The following COL24A1 variants were observed in gnomAD, a reference collection of about 807,000 sequenced individuals.
The protein encoded by COL24A1 is collagen alpha-1(XXIV) chain.
Under a neutral mutation model 253.9 loss-of-function variants are expected in COL24A1, and 224 were observed. The ratio of observed to expected loss-of-function variants is 0.88; its 90% CI spans 0.79 to 0.99. The LOEUF (loss-of-function observed/expected upper bound fraction) is 0.99. COL24A1 is among the 50% of genes least tolerant of loss of function. The pLI is 0.00. For synonymous variants in COL24A1, 685 were observed against 673.7 expected (o/e 1.02, Z -0.26); for missense variants, 2,131 against 2,068.5 (o/e 1.03, Z -0.59).
chr1:85,839,607 C>T (rs1351727159), intron 42 of COL24A1, among the ~76,000 whole-genome samples: 3 of 151,676 alleles, frequency 2.0e-5, no homozygotes, highest in African/African-American at 4.8e-5. Context: ...CCTGGTGGCA[C>T]GAGCCTGCAG....
chr1:85,911,295 T>C (rs1012906291), intron 25 of COL24A1, 85 bp downstream of exon 25: 215 of 1,038,238 alleles, frequency 2.1e-4, no homozygotes, highest in Non-Finnish European at 2.7e-4. Flanking sequence ...GATTTCTAAT[T>C]AACATAAAAG....
At chr1:86,097,658 T>TC (rs1704109652) in intron 5 of COL24A1, among the ~76,000 whole-genome samples, 1 of 129,594 alleles carries the variant, frequency 7.7e-6, no homozygotes, top group South Asian at 2.8e-4. Flanking sequence ...CTCCTCCTCC[T>TC]CCCCTTCTCC....
At position 85,961,237 on chromosome 1, in the gene COL24A1, A is replaced by T. The variant is rs530162521; in HGVS notation, c.2562+12T>A. On this transcript the variant is annotated intron_variant, in intron 24 of 59. Transcript: ENST00000370571. ...CAGCTGATTAAAAAATAAGAGCATA[A>T]AATAAGCTTACTGTTTCACCAATTT... 5 of 1,574,838 alleles carry T rather than the reference A, an allele frequency of 3.2e-6. No homozygotes were observed. In the South Asian group the frequency reaches 5.6e-5, roughly 18 times the overall value.
At chr1:85,914,404 T>A (rs12043396) in intron 24 of COL24A1, among the ~76,000 whole-genome samples, 35,443 of 146,816 alleles carry the variant, frequency 0.24, 4,399 homozygotes, top group East Asian at 0.32. Flanking sequence ...TTTTTTTTTT[T>A]TCTTGAGATG....
At chr1:85,797,859 G>A (rs1670997221) in intron 47 of COL24A1, among the ~76,000 whole-genome samples, 1 of 152,080 alleles carries the variant, frequency 6.6e-6, no homozygotes, top group African/African-American at 2.4e-5. Flanking sequence ...GTCTGGAAAT[G>A]TCAACAGAGG....
intron 47 of COL24A1, among the ~76,000 whole-genome samples, chr1:85,805,509 TA>T (rs1671867665): frequency 6.6e-6 from 1 of 152,230 alleles, no homozygotes; most frequent in Admixed American, 6.5e-5. Context: ...AATAAGAATA[TA>T]AAAAGCCTTT....
At chr1:86,094,570 T>A (rs1703760933) in intron 5 of COL24A1, among the ~76,000 whole-genome samples, 1 of 151,938 alleles carries the variant, frequency 6.6e-6, no homozygotes, top group Non-Finnish European at 1.5e-5. Flanking sequence ...AAGAAACCCC[T>A]AATGACACAA....
chr1:85,960,415 AC>A (rs1161282524), intron 24 of COL24A1, among the ~76,000 whole-genome samples: 8 of 152,198 alleles, frequency 5.3e-5, no homozygotes, highest in African/African-American at 1.7e-4. Flanking sequence ...TGATTCAAAT[AC>A]AACATGAAGC....
intron 24 of COL24A1, among the ~76,000 whole-genome samples, chr1:85,918,637 T>C (rs1686149666): frequency 1.3e-5 from 2 of 152,162 alleles, no homozygotes; most frequent in Admixed American, 1.3e-4. Flanking sequence ...GTGTACACAC[T>C]TGGAAATAAT....
chr1:85,744,883 A>T (rs1665044181), intron 56 of COL24A1, 49 bp from the exon 57 acceptor site: 1 of 1,431,290 alleles, frequency 7.0e-7, no homozygotes, highest in Non-Finnish European at 9.7e-7. Flanking sequence ...CCTGAGGACC[A>T]ACATGGGCCA....
At chr1:85,911,352 T>C in intron 25 of COL24A1, 28 bp downstream of exon 25, 3 of 1,588,948 alleles carry the variant, frequency 1.9e-6, no homozygotes, top group Non-Finnish European at 2.6e-6. Context: ...TTTCTTCCTA[T>C]AAAACAAAAT....
At chr1:85,993,666 T>G (rs923228647) in intron 19 of COL24A1, among the ~76,000 whole-genome samples, 2 of 152,016 alleles carry the variant, frequency 1.3e-5, no homozygotes. Flanking sequence ...GTTATACATA[T>G]GTCAAAAATT....
chr1:86,057,858 G>A (rs1315153922), intron 10 of COL24A1, 73 bp downstream of exon 10: 4 of 1,337,224 alleles, frequency 3.0e-6, no homozygotes, highest in Non-Finnish European at 4.2e-6. Flanking sequence ...GTGTAAAAAT[G>A]CTAAGTGTTT....
chr1:85,947,267 C>T (rs1256664142), intron 24 of COL24A1, among the ~76,000 whole-genome samples: 1 of 152,054 alleles, frequency 6.6e-6, no homozygotes, highest in Non-Finnish European at 1.5e-5. Flanking sequence ...TATTTCAATC[C>T]AAGACTTATT....
At chr1:86,147,217 C>T (rs1241861758) in intron 1 of COL24A1, among the ~76,000 whole-genome samples, 1 of 152,044 alleles carries the variant, frequency 6.6e-6, no homozygotes, top group Non-Finnish European at 1.5e-5. Flanking sequence ...TTTACCTTTA[C>T]CAACTAGTAT....
intron 38 of COL24A1, 152 bp from the exon 39 acceptor site, chr1:85,847,924 A>G: frequency 4.7e-6 from 2 of 426,254 alleles, no homozygotes; most frequent in Non-Finnish European, 8.2e-6. Flanking sequence ...TCACTATATA[A>G]GTTATTTTAA....
intron 24 of COL24A1, among the ~76,000 whole-genome samples, chr1:85,912,098 T>A (rs113623407): frequency 6.6e-6 from 1 of 152,126 alleles, no homozygotes; most frequent in Non-Finnish European, 1.5e-5. Context: ...GCACAGATGG[T>A]CAGGGAAGAC....
intron 37 of COL24A1, among the ~76,000 whole-genome samples, chr1:85,851,352 C>T (rs188390623): frequency 7.2e-5 from 11 of 152,006 alleles, no homozygotes; most frequent in East Asian, 1.9e-4. Context: ...GTATTTTTCC[C>T]GTTGGTTAAT....
At chr1:85,870,094 C>A (rs1302401303) in intron 35 of COL24A1, among the ~76,000 whole-genome samples, 2 of 152,106 alleles carry the variant, frequency 1.3e-5, no homozygotes, top group Non-Finnish European at 2.9e-5. Context: ...TCAAAAGAGA[C>A]AAAGAGGGCC....
Sources: allele counts gnomAD v4.1 joint callset (sites outside exome capture counted in the v4.1 genomes callset), GRCh38; gene constraint gnomAD v4.1.1; transcripts MANE v1.5; gene names NCBI Gene and HGNC (gene_info 2026-07-23, HGNC 2026-07-21).